FREM3: variants seen among roughly 807,000 people sequenced by gnomAD.
FREM3 encodes FRAS1 related extracellular matrix 3.
Under a neutral mutation model 129.1 loss-of-function variants are expected in FREM3, and 105 were observed. The observed-to-expected ratio is 0.81, with a 90% CI of 0.69 to 0.96. The LOEUF is 0.96. Ranked by LOEUF, FREM3 falls within the 40% of genes least tolerant of loss-of-function variation. The pLI, the probability that FREM3 is intolerant of heterozygous loss-of-function variation, is 0.00. For missense variants in FREM3, 2,593 were observed against 2,666.3 expected, an observed-to-expected ratio of 0.97 and a Z score of 0.61; for synonymous variants, 1,014 against 1,044.9, an observed-to-expected ratio of 0.97 and a Z score of 0.57.
At chr4:143,641,816 C>G (rs1739325107) in intron 2 of FREM3, among the ~76,000 whole-genome samples, 1 of 152,086 alleles carries the variant, frequency 6.6e-6, no homozygotes, top group African/African-American at 2.4e-5. Context: ...ATAAAAATGC[C>G]CTTTATATAG....
At chr4:143,688,965 G>A (rs1740417650) in intron 2 of FREM3, among the ~76,000 whole-genome samples, 2 of 152,174 alleles carry the variant, frequency 1.3e-5, no homozygotes, top group African/African-American at 4.8e-5. Context: ...CATTGGCTTA[G>A]CCAAGGATTT....
intron 2 of FREM3, among the ~76,000 whole-genome samples, chr4:143,674,612 T>G (rs1578863593): frequency 1.3e-5 from 2 of 151,946 alleles, no homozygotes; most frequent in South Asian, 4.2e-4. Flanking sequence ...GGATAAAGAG[T>G]CACGACCCAT....
chr4:143,577,503 C>G lies in FREM3; in HGVS notation c.*108G>C, dbSNP rs1453915815. 9.9e-7 allele frequency: 1 copy of G among 1,008,770 alleles called. No individual in the cohort carries two copies. The highest frequency in any genetic ancestry group is 1.4e-6 in the Non-Finnish European group (1 of 704,780). The allele number at this position is 1,008,770 out of a possible 1,614,324, so 62.5% of individuals were successfully genotyped here. On this transcript the variant is annotated 3_prime_UTR_variant, in exon 8 of 8. Coordinates refer to ENST00000329798, the MANE Select transcript of FREM3 (RefSeq NM_001168235.2). ...TATCACCAGAATATAACACCAATGA[C>G]AGTACAATATCACTGATATCCCAGA... is the stretch of plus-strand genomic sequence containing the variant.
At chr4:143,655,102 T>A (rs952509332) in intron 2 of FREM3, among the ~76,000 whole-genome samples, 3 of 151,992 alleles carry the variant, frequency 2.0e-5, no homozygotes, top group Non-Finnish European at 2.9e-5. Flanking sequence ...GCAGAAAGGA[T>A]CTGTAATTTG....
In FREM3 at chr4:143,696,306, G is replaced by C; in HGVS notation, c.4370C>G (p.Ser1457Cys). 1 of 1,537,524 alleles carries C rather than the reference G, an allele frequency of 6.5e-7. No individual in the cohort carries two copies. Among genetic ancestry groups the C allele is most frequent in the Non-Finnish European group, 8.7e-7 (1 of 1,146,980 alleles). ...TGTAATGCTAAAGTGATGTTCATCA[G>C]AGCTGTTGATGTCACTGTTGGTAAG... ...NLLTNSDINSSDEHHFSITRA... is the reference protein window; with the variant it reads ...NLLTNSDINSCDEHHFSITRA... Residue 1457 changes from serine to cysteine, a missense_variant, in exon 1 of 8, where the codon TCT becomes TGT. This residue lies in a region of FREM3 where 2,276 missense variants were observed against 2,267.2 expected (regional missense o/e 1.00). Transcript: ENST00000329798.
At chr4:143,663,336 C>CT in intron 2 of FREM3, among the ~76,000 whole-genome samples, 1 of 152,178 alleles carries the variant, frequency 6.6e-6, no homozygotes, top group African/African-American at 2.4e-5. Context: ...TTCTCCTTCA[C>CT]TTATGAAGCT....
chr4:143,608,158 T>C (rs1738697029), intron 6 of FREM3, among the ~76,000 whole-genome samples: 2 of 152,304 alleles, frequency 1.3e-5, no homozygotes, highest in African/African-American at 4.8e-5. Flanking sequence ...AAAGTCCGTT[T>C]TGCCATGTAA....
At chr4:143,621,775 A>G (rs1034583925) in intron 4 of FREM3, among the ~76,000 whole-genome samples, 2 of 152,202 alleles carry the variant, frequency 1.3e-5, no homozygotes, top group African/African-American at 2.4e-5. Flanking sequence ...GACATAATCA[A>G]AACATTCATT....
intron 5 of FREM3, among the ~76,000 whole-genome samples, chr4:143,620,061 A>C (rs760074969): frequency 1.4e-4 from 22 of 152,160 alleles, no homozygotes; most frequent in Admixed American, 6.5e-5. Context: ...CCAGGAAGCC[A>C]AGCCACCACC....
chr4:143,680,954 T>G (rs1367260695), intron 2 of FREM3, among the ~76,000 whole-genome samples: 1 of 152,096 alleles, frequency 6.6e-6, no homozygotes, highest in African/African-American at 2.4e-5. Context: ...TAGGAATTCA[T>G]ATGGACCACG....
intron 2 of FREM3, among the ~76,000 whole-genome samples, chr4:143,642,416 C>T (rs1187011693): frequency 6.6e-6 from 1 of 152,064 alleles, no homozygotes; most frequent in Non-Finnish European, 1.5e-5. Context: ...ACAAAAACAG[C>T]ATAGTACTGG....
At position 143,648,803 on chromosome 4, in the gene FREM3, C is replaced by T. The variant is rs138966718; in HGVS notation, c.5276-21043G>A. On this transcript the variant is annotated intron_variant, in intron 2 of 7. Transcript: ENST00000329798. ...ACTAATGCAGAGTCCTGTTCTCTCG[C>T]GCAGGCTGGAGTGCAATGGCATGAT... is the stretch of plus-strand genomic sequence containing the variant. 8.9e-3 allele frequency among the ~76,000 whole-genome samples: 1,362 copies of T among 152,258 alleles called. 10 individuals carry two copies. The highest frequency in any genetic ancestry group is 0.014 in the Admixed American group (208 of 15,300).
At position 143,611,320 on chromosome 4, in the gene FREM3, A is replaced by T. The variant is rs751646668; in HGVS notation, c.5987T>A (p.Phe1996Tyr). ...CAGAATAGTCACCTTAGTGGTGGGG[A>T]ATCTGGCTCCCAGCTGTCCTCCCAC... ...LPVGGQLGAR[F>Y]PTTKVTILAD... The change falls in exon 6 of 8, where the codon TTC (phenylalanine) becomes TAC (tyrosine). Residue 1996 changes from phenylalanine (F) to tyrosine (Y), a missense_variant. This residue lies in a region of FREM3 where 317 missense variants were observed against 399.0 expected (regional missense o/e 0.79). Coordinates refer to ENST00000329798, the MANE Select transcript of FREM3 (RefSeq NM_001168235.2). The T allele has an allele frequency of 5.2e-6, 8 of 1,537,064 alleles. No homozygotes were observed.
chr4:143,641,634 C>T (rs1189317179), intron 2 of FREM3, among the ~76,000 whole-genome samples: 1 of 152,172 alleles, frequency 6.6e-6, no homozygotes, highest in East Asian at 1.9e-4. Flanking sequence ...TAGCCAAGTT[C>T]TTGGCCAACA....
intron 2 of FREM3, among the ~76,000 whole-genome samples, chr4:143,684,386 G>A (rs1272901053): frequency 6.6e-6 from 1 of 152,162 alleles, no homozygotes; most frequent in Admixed American, 6.5e-5. Context: ...TTGCTGGGTG[G>A]CTAGATCCAG....
At chr4:143,615,353 T>G (rs1738825296) in intron 5 of FREM3, among the ~76,000 whole-genome samples, 1 of 152,214 alleles carries the variant, frequency 6.6e-6, no homozygotes, top group Non-Finnish European at 1.5e-5. Context: ...AATATGTACA[T>G]TTTAGTAGGA....
At position 143,698,355 on chromosome 4, in the gene FREM3, T is replaced by G. The variant is rs1578876359; in HGVS notation, c.2321A>C (p.His774Pro). The change falls in exon 1 of 8, where the codon CAC (histidine) becomes CCC (proline). Residue 774 changes from histidine (H) to proline (P), a missense_variant. Physicochemically the swap from His to Pro is moderately conservative, Grantham distance 77 (BLOSUM62 -2). Transcript: ENST00000329798. ...CTGATTTACCTGGGCTTGGGTAAAG[T>G]GCATGATGAGTGTGTCTGGTGAATC... ...LTDSPDTLIM[H>P]FTQAQVNQHK... 6 of 1,537,922 alleles carry G rather than the reference T, an allele frequency of 3.9e-6. No individual in the cohort carries two copies. In the East Asian group the frequency reaches 1.5e-4, roughly 38 times the overall value.
At chr4:143,598,094 G>A (rs979637344) in intron 6 of FREM3, among the ~76,000 whole-genome samples, 2 of 152,202 alleles carry the variant, frequency 1.3e-5, no homozygotes, top group African/African-American at 2.4e-5. Flanking sequence ...ACCTTCCAAA[G>A]TCCCCACCTC....
At chr4:143,608,011 T>C (rs1738695185) in intron 6 of FREM3, among the ~76,000 whole-genome samples, 1 of 152,120 alleles carries the variant, frequency 6.6e-6, no homozygotes, top group Admixed American at 6.5e-5. Flanking sequence ...CAACCTCTGG[T>C]TTCAGTCATC....
Sources: allele counts gnomAD v4.1 joint callset (sites outside exome capture counted in the v4.1 genomes callset), GRCh38; gene constraint gnomAD v4.1.1; regional missense constraint gnomAD v4.1.1; transcripts MANE v1.5; gene names NCBI Gene and HGNC (gene_info 2026-07-23, HGNC 2026-07-21).